KDM4C: variants seen among roughly 807,000 people sequenced by gnomAD.
KDM4C encodes lysine demethylase 4C.
A neutral mutation model predicts 129.3 loss-of-function variants in KDM4C; 81 were observed. The ratio of observed to expected loss-of-function variants is 0.63; its 90% CI spans 0.52 to 0.75. KDM4C has a LOEUF of 0.75. Ranked by LOEUF, KDM4C falls within the 30% of genes least tolerant of loss-of-function variation. KDM4C has a pLI of 0.00. For synonymous variants in KDM4C, 573 were observed against 456.1 expected (o/e 1.26, Z -3.26); for missense variants, 1,457 against 1,304.0 (o/e 1.12, Z -1.81).
At chr9:7,150,911 A>G (rs1842670326) in intron 19 of KDM4C, among the ~76,000 whole-genome samples, 1 of 152,198 alleles carries the variant, frequency 6.6e-6, no homozygotes, top group Admixed American at 6.5e-5. Context: ...GCTTAATGCT[A>G]TAATAACTTC....
intron 15 of KDM4C, among the ~76,000 whole-genome samples, chr9:7,017,061 G>A (rs567507316): frequency 4.6e-5 from 7 of 151,880 alleles, no homozygotes; most frequent in African/African-American, 7.3e-5. Flanking sequence ...TCACCCTCCT[G>A]GGTAGCTGGG....
intron 18 of KDM4C, among the ~76,000 whole-genome samples, chr9:7,121,685 T>C (rs1239616667): frequency 6.6e-6 from 1 of 152,134 alleles, no homozygotes; most frequent in Non-Finnish European, 1.5e-5. Flanking sequence ...TCACCAGACA[T>C]GCTCCAAATC....
chr9:7,058,620 G>A (rs911598071), intron 17 of KDM4C, among the ~76,000 whole-genome samples: 8 of 152,104 alleles, frequency 5.3e-5, no homozygotes, highest in African/African-American at 1.9e-4. Context: ...ATTCTCCAAT[G>A]CCAGGCATCT....
intron 8 of KDM4C, among the ~76,000 whole-genome samples, chr9:6,913,841 C>T (rs202196148): frequency 1.1e-3 from 160 of 152,286 alleles, no homozygotes; most frequent in African/African-American, 3.6e-3. Context: ...GTCAGAGTTT[C>T]TGATAGTTTA....
intron 1 of KDM4C, chr9:6,748,890 A>C: frequency 1.0e-6 from 1 of 966,038 alleles, no homozygotes; most frequent in South Asian, 1.3e-5. Context: ...CCACACCTGA[A>C]TCTGCGATCT....
At chr9:6,723,541 C>G (rs1263846674) in intron 1 of KDM4C, 1 of 152,014 alleles carries the variant, frequency 6.6e-6, no homozygotes, top group Non-Finnish European at 1.5e-5. Context: ...GAAACGTCCA[C>G]TCTGCTCCAG....
At chr9:6,865,862 T>C (rs1841866784) in intron 5 of KDM4C, among the ~76,000 whole-genome samples, 1 of 152,148 alleles carries the variant, frequency 6.6e-6, no homozygotes. Flanking sequence ...GCCATTCTCC[T>C]GCCTCAGCCT....
chr9:6,749,617 A>G (rs979427406), intron 1 of KDM4C, among the ~76,000 whole-genome samples: 1 of 152,020 alleles, frequency 6.6e-6, no homozygotes, highest in Non-Finnish European at 1.5e-5. Context: ...GCAATGAGCT[A>G]TGATTGCACC....
At position 7,117,394 on chromosome 9, in the gene KDM4C, G is replaced by A. The variant is rs186700093; in HGVS notation, c.2611-10672G>A. Among the ~76,000 whole-genome samples the A allele has an allele frequency of 1.7e-4, 26 of 152,104 alleles. 1 individual carries two copies. The highest frequency in any genetic ancestry group is 1.4e-3 in the Admixed American group (22 of 15,278). On this transcript the variant is annotated intron_variant, in intron 18 of 21. Transcript: ENST00000381309. ...TGAGAGTCAGAAATCGTTATAGGCA[G>A]GAGTTACCACTGAGTGATACCCTGT...
chr9:6,768,472 A>T (rs1056535858), intron 1 of KDM4C, among the ~76,000 whole-genome samples: 1 of 152,054 alleles, frequency 6.6e-6, no homozygotes, highest in African/African-American at 2.4e-5. Flanking sequence ...CAGTAACTCA[A>T]TGTGTATTTC....
chr9:7,110,496 G>A (rs150495996), intron 18 of KDM4C, among the ~76,000 whole-genome samples: 4 of 152,204 alleles, frequency 2.6e-5, no homozygotes, highest in South Asian at 2.1e-4. Context: ...ATTTGGACCT[G>A]TTTTTCTAAA....
chr9:6,876,041 A>C (rs1436166230), intron 5 of KDM4C, among the ~76,000 whole-genome samples: 2 of 152,144 alleles, frequency 1.3e-5, no homozygotes, highest in African/African-American at 2.4e-5. Flanking sequence ...TGGAGAGTTG[A>C]GTTTTGGATA....
Position 6,843,493 on chromosome 9 carries a change from A to G in KDM4C, c.436-6014A>G, listed in dbSNP as rs147791644. Among the ~76,000 whole-genome samples, 410 of 152,260 alleles carry G rather than the reference A, an allele frequency of 2.7e-3. 3 individuals carry two copies. The highest frequency in any genetic ancestry group is 4.4e-3 in the Non-Finnish European group (297 of 68,016). ...TCTCCACTTCTGCTAGGAATAATGT[A>G]TTTTCTTGAAAACAGTTTCAGTGAA... On this transcript the variant is annotated intron_variant, in intron 4 of 21. Transcript: ENST00000381309.
intron 2 of KDM4C, among the ~76,000 whole-genome samples, chr9:6,801,723 T>C (rs1027569827): frequency 6.6e-6 from 1 of 151,964 alleles, no homozygotes; most frequent in African/African-American, 2.4e-5. Flanking sequence ...TAAAAGAATA[T>C]ATAAAAGACT....
At chr9:7,105,436 G>A (rs974806635) in intron 18 of KDM4C, 2 of 470,774 alleles carry the variant, frequency 4.2e-6, no homozygotes, top group Non-Finnish European at 8.8e-6. Flanking sequence ...AAAAATGAAA[G>A]TTGTATTGCT....
At chr9:6,933,816 AT>A (rs138463070) in intron 8 of KDM4C, among the ~76,000 whole-genome samples, 38,707 of 151,380 alleles carry the variant, frequency 0.26, 5,396 homozygotes, top group South Asian at 0.39. Flanking sequence ...TTTGAATTGC[AT>A]TTTTTTCCAG....
chr9:7,031,130 G>GTTTATTTA (rs57636781), intron 15 of KDM4C, among the ~76,000 whole-genome samples: 2,056 of 141,210 alleles, frequency 0.015, 18 homozygotes, highest in East Asian at 0.029. Context: ...TATTTTACTT[G>GTTTATTTA]TTTATTTATT....
intron 17 of KDM4C, among the ~76,000 whole-genome samples, chr9:7,079,922 ACTTC>A (rs1834341801): frequency 6.6e-6 from 1 of 152,058 alleles, no homozygotes; most frequent in South Asian, 2.1e-4. Flanking sequence ...CTTTCCCACA[ACTTC>A]TTTTGCTTTA....
intron 8 of KDM4C, among the ~76,000 whole-genome samples, chr9:6,902,220 T>C (rs1817532403): frequency 1.3e-5 from 2 of 152,202 alleles, no homozygotes; most frequent in South Asian, 4.1e-4. Flanking sequence ...CTCCAAGAAT[T>C]AATAGGTGTT....
Sources: gnomAD v4.1 joint callset for allele counts (sites outside exome capture counted in the v4.1 genomes callset) on GRCh38, gnomAD v4.1.1 for gene constraint, MANE v1.5 for transcripts, NCBI Gene and HGNC (gene_info 2026-07-23, HGNC 2026-07-21) for gene names.